Variants in CLUAP1 observed in about 807,000 individuals in gnomAD.
CLUAP1 encodes the protein intraflagellar transport 38.
Under a neutral mutation model 55.0 loss-of-function variants are expected in CLUAP1, and 50 were observed. That is an observed-to-expected ratio of 0.91 (90% CI 0.72 to 1.15). CLUAP1 has a LOEUF of 1.15. Among genes scored for constraint, CLUAP1 ranks in the 50% most tolerant of loss-of-function variants. The pLI, the probability that CLUAP1 is intolerant of heterozygous loss-of-function variation, is 0.00. For synonymous variants in CLUAP1, 195 were observed against 175.4 expected, an observed-to-expected ratio of 1.11 and a Z score of -0.88; for missense variants, 530 against 507.6, an observed-to-expected ratio of 1.04 and a Z score of -0.42.
At chr16:3,529,564 T>TATATTATATA (rs1302997805) in intron 9 of CLUAP1, among the ~76,000 whole-genome samples, 33 of 46,718 alleles carry the variant, frequency 7.1e-4, no homozygotes, top group Non-Finnish European at 9.6e-4. Context: ...TATATTATTA[T>TATATTATATA]ATATTATATA....
chr16:3,505,546 CAAAAAAA>C (rs1230388490), intron 2 of CLUAP1, among the ~76,000 whole-genome samples: 1 of 59,618 alleles, frequency 1.7e-5, no homozygotes, highest in Non-Finnish European at 3.9e-5. Flanking sequence ...GACTCCGTCT[CAAAAAAA>C]AAAAAAAAAA....
intron 1 of CLUAP1, among the ~76,000 whole-genome samples, chr16:3,503,206 C>A (rs868600948): frequency 2.6e-4 from 40 of 152,244 alleles, no homozygotes; most frequent in African/African-American, 9.1e-4. Flanking sequence ...CTCTGTCACC[C>A]AGGCTGGAGT....
chr16:3,510,552 T>C (rs1207689431), intron 4 of CLUAP1, among the ~76,000 whole-genome samples: 1 of 152,140 alleles, frequency 6.6e-6, no homozygotes, highest in East Asian at 1.9e-4. Flanking sequence ...GTAAGTCAGG[T>C]GCTACAGGCC....
At chr16:3,498,852 C>T (rs1211296806), upstream of CLUAP1, among the ~76,000 whole-genome samples, 2 of 151,722 alleles carry the variant, frequency 1.3e-5, no homozygotes, top group East Asian at 3.9e-4. Context: ...CAGAGCGAGA[C>T]TCCATCTCAA....
intron 5 of CLUAP1, among the ~76,000 whole-genome samples, chr16:3,514,525 T>C (rs1184552889): frequency 6.6e-6 from 1 of 152,212 alleles, no homozygotes; most frequent in Non-Finnish European, 1.5e-5. Flanking sequence ...AGACGAGTTT[T>C]GACACAGTGC....
At chr16:3,509,993 ATTT>A (rs1410596895) in intron 4 of CLUAP1, 8 of 119,994 alleles carry the variant, frequency 6.7e-5, no homozygotes, top group Admixed American at 8.6e-5. Flanking sequence ...TGCCCAGCTA[ATTT>A]TTTTTTTTTT....
chr16:3,517,165 C>T (rs892351422), intron 6 of CLUAP1, among the ~76,000 whole-genome samples: 35 of 149,012 alleles, frequency 2.3e-4, no homozygotes, highest in Admixed American at 3.4e-4. Flanking sequence ...TGCTCTGTTG[C>T]CCAGGCTGGA....
chr16:3,523,318 C>T lies in CLUAP1; in HGVS notation c.855+19C>T, dbSNP rs1467449645. 1 of 1,598,330 alleles carries T rather than the reference C, an allele frequency of 6.3e-7. No individual in the cohort carries two copies. ...GTTTGAGGTGAGCTGAGCCTGTCCT[C>T]TGTTCAGCCATTCCTTCTGGTGTGT... On this transcript the variant is annotated intron_variant, in intron 8 of 11. Coordinates refer to ENST00000576634, the MANE Select transcript of CLUAP1 (RefSeq NM_015041.3).
chr16:3,504,143 A>G (rs1477929487), intron 1 of CLUAP1, among the ~76,000 whole-genome samples: 2 of 152,228 alleles, frequency 1.3e-5, no homozygotes, highest in Non-Finnish European at 2.9e-5. Flanking sequence ...GTAAATCTAA[A>G]TATGGTTGTA....
the CLUAP1 span, chr16:3,495,563 G>A: frequency 2.0e-6 from 3 of 1,483,294 alleles, no homozygotes; most frequent in African/African-American, 1.4e-5. Context: ...AGCCTTCCTG[G>A]ACCCCTAGTT....
intron 6 of CLUAP1, among the ~76,000 whole-genome samples, chr16:3,516,645 T>C (rs1164357121): frequency 6.6e-6 from 1 of 152,190 alleles, no homozygotes; most frequent in African/African-American, 2.4e-5. Flanking sequence ...TAGATAGGTA[T>C]AGGAATAAAT....
chr16:3,526,535 G>C, intron 9 of CLUAP1, 51 bp downstream of exon 9: 1 of 1,267,856 alleles, frequency 7.9e-7, no homozygotes, highest in Non-Finnish European at 1.1e-6. Context: ...AGTATTTTCA[G>C]CCTTGAAATA....
chr16:3,532,577 G>C (rs1381212975), intron 10 of CLUAP1, among the ~76,000 whole-genome samples: 2 of 146,784 alleles, frequency 1.4e-5, no homozygotes, highest in Admixed American at 1.3e-4. Context: ...ACCATACCTG[G>C]CTAATGTTTA....
chr16:3,535,822 G>C, intron 11 of CLUAP1: 1 of 332,306 alleles, frequency 3.0e-6, no homozygotes, highest in African/African-American at 2.1e-5. Context: ...GGAGTCTCTA[G>C]GTCCAGTGGC....
intron 4 of CLUAP1, 72 bp downstream of exon 4, chr16:3,508,540 G>A: frequency 7.5e-7 from 1 of 1,342,116 alleles, no homozygotes. Context: ...GAAGGAGTCT[G>A]CTACAGCTCC....
intron 10 of CLUAP1, 131 bp from the exon 11 acceptor site, chr16:3,532,655 T>A (rs1299482377): frequency 4.6e-6 from 4 of 877,876 alleles, no homozygotes; most frequent in Non-Finnish European, 7.2e-6. Flanking sequence ...TGGCCTCCTG[T>A]CTCAGCCTCC....
rs1263393388 is a variant in CLUAP1 at position 3,532,722 on chromosome 16, A to G, written c.1037-64A>G. 42 of 1,548,764 alleles carry G rather than the reference A, an allele frequency of 2.7e-5. 1 individual carries two copies. The highest frequency in any genetic ancestry group is 1.7e-4 in the Middle Eastern group (1 of 5,988). On this transcript the variant is annotated intron_variant, in intron 10 of 11. Transcript: ENST00000576634. Reference sequence around the variant, plus strand: ...ATGCCTGGCCAGAAAACAAATCTTGAATGCTATTTCCTGCTTTATTTTCCA... The same window carrying G: ...ATGCCTGGCCAGAAAACAAATCTTGGATGCTATTTCCTGCTTTATTTTCCA...
intron 1 of CLUAP1, 112 bp from the exon 2 acceptor site, chr16:3,504,608 C>G: frequency 1.4e-6 from 1 of 694,634 alleles, no homozygotes; most frequent in South Asian, 1.7e-5. Flanking sequence ...CAAATAGTCC[C>G]TAAAGCTGTC....
intron 5 of CLUAP1, among the ~76,000 whole-genome samples, chr16:3,514,281 A>C (rs1049692408): frequency 6.6e-6 from 1 of 152,232 alleles, no homozygotes; most frequent in Non-Finnish European, 1.5e-5. Context: ...CCAGTGGCTG[A>C]AACTGTTCCC....
Sources: gnomAD v4.1 joint callset for allele counts (sites outside exome capture counted in the v4.1 genomes callset) on GRCh38, gnomAD v4.1.1 for gene constraint, MANE v1.5 for transcripts, NCBI Gene and HGNC (gene_info 2026-07-23, HGNC 2026-07-21) for gene names.